PRKG1: variants seen among roughly 807,000 people sequenced by gnomAD.
PRKG1 encodes protein kinase cGMP-dependent 1.
Under a neutral mutation model 88.1 loss-of-function variants are expected in PRKG1, and 35 were observed. The observed-to-expected ratio is 0.40, with a 90% CI of 0.30 to 0.53. PRKG1 has a LOEUF of 0.53. PRKG1 is among the 20% of genes least tolerant of loss of function. The pLI is 0.59. For synonymous variants in PRKG1, 303 were observed against 292.5 expected, an observed-to-expected ratio of 1.04 and a Z score of -0.37; for missense variants, 540 against 839.8, an observed-to-expected ratio of 0.64 and a Z score of 4.41.
At chr10:51,144,296 G>A (rs760044592) in intron 1 of PRKG1, among the ~76,000 whole-genome samples, 2 of 151,998 alleles carry the variant, frequency 1.3e-5, no homozygotes, top group Non-Finnish European at 2.9e-5. Context: ...ATTAAATATT[G>A]TGGGCTTAGA....
At chr10:52,107,325 T>C (rs1343538198) in intron 7 of PRKG1, among the ~76,000 whole-genome samples, 1 of 152,198 alleles carries the variant, frequency 6.6e-6, no homozygotes, top group Non-Finnish European at 1.5e-5. Flanking sequence ...TGGGAAAAGA[T>C]TGTAGTCCTC....
chr10:51,813,192 T>C (rs115825682), intron 4 of PRKG1, among the ~76,000 whole-genome samples: 2 of 152,222 alleles, frequency 1.3e-5, no homozygotes, highest in African/African-American at 4.8e-5. Flanking sequence ...CACAAAAGCA[T>C]AAAGTAATAA....
At chr10:51,931,853 T>C (rs1030659941) in intron 5 of PRKG1, among the ~76,000 whole-genome samples, 3 of 152,214 alleles carry the variant, frequency 2.0e-5, no homozygotes, top group African/African-American at 7.2e-5. Context: ...CTTATTCAAG[T>C]ATTTGTGGGA....
chr10:51,881,157 G>A (rs1841428270), intron 4 of PRKG1, among the ~76,000 whole-genome samples: 1 of 151,988 alleles, frequency 6.6e-6, no homozygotes, highest in South Asian at 2.1e-4. Context: ...AGAGTGACTA[G>A]AGTAGTGCGC....
rs7923235 is a variant in PRKG1 at position 51,226,798 on chromosome 10, G to A, written c.478+73468G>A. Among the ~76,000 whole-genome samples the A allele has an allele frequency of 2.5e-3, 383 of 152,212 alleles. 1 individual carries two copies. Among genetic ancestry groups the A allele is most frequent in the African/African-American group, 8.5e-3 (355 of 41,550 alleles). ...AACTCTGAAATGAGAGCAAGACATA[G>A]GACTAACAGATGGAAGTTTCAGGAA... On this transcript the variant is annotated intron_variant, in intron 2 of 17. Transcript: ENST00000373980.
intron 1 of PRKG1, among the ~76,000 whole-genome samples, chr10:51,146,125 C>A (rs1040224857): frequency 4.0e-5 from 6 of 151,680 alleles, no homozygotes; most frequent in African/African-American, 1.5e-4. Context: ...GGAGGCGGAG[C>A]TTGCAGTGAG....
At chr10:51,433,671 G>A (rs1838838659) in intron 2 of PRKG1, among the ~76,000 whole-genome samples, 2 of 152,138 alleles carry the variant, frequency 1.3e-5, no homozygotes, top group South Asian at 4.1e-4. Context: ...TGGGTGGTGA[G>A]CATATTATGT....
chr10:52,198,820 GTGTGTGTGTGTGTGCA>G, intron 9 of PRKG1, among the ~76,000 whole-genome samples: 1 of 151,654 alleles, frequency 6.6e-6, no homozygotes, highest in Non-Finnish European at 1.5e-5. Flanking sequence ...GTGAGTGTGT[GTGTGTGTGTGTGTGCA>G]TGTGTGTGTA....
At chr10:51,068,466 A>T (rs1424168239) in intron 1 of PRKG1, 1 of 152,018 alleles carries the variant, frequency 6.6e-6, no homozygotes, top group Admixed American at 6.6e-5. Flanking sequence ...TCCTTCTTAC[A>T]TCTTTAGTAT....
intron 1 of PRKG1, among the ~76,000 whole-genome samples, chr10:51,088,036 A>T (rs752374443): frequency 6.6e-6 from 1 of 152,194 alleles, no homozygotes; most frequent in African/African-American, 2.4e-5. Context: ...AAGTGCTAGG[A>T]TTACAGGGGT....
At chr10:51,193,833 GC>G in intron 2 of PRKG1, among the ~76,000 whole-genome samples, 1 of 152,188 alleles carries the variant, frequency 6.6e-6, no homozygotes, top group East Asian at 1.9e-4. Context: ...CCTAATTCAA[GC>G]CAGCAAATCT....
intron 7 of PRKG1, among the ~76,000 whole-genome samples, chr10:52,075,967 C>T (rs1328396807): frequency 6.6e-6 from 1 of 152,058 alleles, no homozygotes; most frequent in Non-Finnish European, 1.5e-5. Flanking sequence ...GTTAGGGCTT[C>T]AATATACACA....
intron 4 of PRKG1, among the ~76,000 whole-genome samples, chr10:51,872,137 A>G (rs1237421804): frequency 1.3e-5 from 2 of 152,144 alleles, no homozygotes; most frequent in East Asian, 3.9e-4. Context: ...GTCTAGATTC[A>G]TTTCACAAAT....
intron 4 of PRKG1, among the ~76,000 whole-genome samples, chr10:51,863,536 A>G (rs1338140956): frequency 6.6e-6 from 1 of 152,182 alleles, no homozygotes; most frequent in Non-Finnish European, 1.5e-5. Context: ...GTGTCCCCCC[A>G]AAAGCAGATG....
At chr10:51,258,817 CA>C (rs1340693833) in intron 2 of PRKG1, among the ~76,000 whole-genome samples, 7 of 152,206 alleles carry the variant, frequency 4.6e-5, no homozygotes, top group Non-Finnish European at 1.0e-4. Flanking sequence ...GCTATCAGTG[CA>C]TTACTCCATG....
chr10:51,768,110 C>A (rs1217611787), intron 3 of PRKG1, among the ~76,000 whole-genome samples: 1 of 152,022 alleles, frequency 6.6e-6, no homozygotes, highest in East Asian at 1.9e-4. Context: ...CATAATTTCA[C>A]AGAGTATAAT....
chr10:51,302,168 A>AG (rs1840905949), intron 2 of PRKG1, among the ~76,000 whole-genome samples: 1 of 152,208 alleles, frequency 6.6e-6, no homozygotes, highest in Admixed American at 6.5e-5. Context: ...GAGCACTACT[A>AG]GGGGTTTAAT....
At chr10:51,904,373 T>G (rs529415066) in intron 4 of PRKG1, among the ~76,000 whole-genome samples, 4 of 152,214 alleles carry the variant, frequency 2.6e-5, no homozygotes, top group South Asian at 4.1e-4. Context: ...TATAATTTAG[T>G]GGAGTCTAAA....
intron 7 of PRKG1, among the ~76,000 whole-genome samples, chr10:52,101,090 A>T (rs1057412569): frequency 4.6e-5 from 7 of 152,152 alleles, no homozygotes; most frequent in African/African-American, 1.7e-4. Context: ...CTGTCTCCTT[A>T]GCTTACTTTT....
Sources: allele counts gnomAD v4.1 joint callset (sites outside exome capture counted in the v4.1 genomes callset), GRCh38; gene constraint gnomAD v4.1.1; transcripts MANE v1.5; gene names NCBI Gene and HGNC (gene_info 2026-07-23, HGNC 2026-07-21).